The following ERGIC2 variants were observed in gnomAD, a reference collection of about 807,000 sequenced individuals.
The protein encoded by ERGIC2 is endoplasmic reticulum-Golgi intermediate compartment protein 2.
ERGIC2 carries 31 observed loss-of-function variants against 52.5 expected under a neutral mutation model. The observed-to-expected ratio is 0.59, with a 90% CI of 0.44 to 0.80. The LOEUF (loss-of-function observed/expected upper bound fraction) is 0.80, where lower values mean the gene tolerates loss of function less well. ERGIC2 is among the 30% of genes least tolerant of loss of function. The probability of loss-of-function intolerance (pLI) is 0.00; values close to 1 mark genes in which losing one functional copy is unlikely to be tolerated. For missense variants in ERGIC2, 395 were observed against 455.2 expected, an observed-to-expected ratio of 0.87 and a Z score of 1.20; for synonymous variants, 129 against 140.6, an observed-to-expected ratio of 0.92 and a Z score of 0.58.
At chr12:29,373,557 G>C (rs768793446) in intron 1 of ERGIC2, among the ~76,000 whole-genome samples, 9 of 152,190 alleles carry the variant, frequency 5.9e-5, no homozygotes, top group Non-Finnish European at 5.9e-5. Flanking sequence ...AAAACTGGCA[G>C]TAAACATGAA....
At position 29,370,105 on chromosome 12, in the gene ERGIC2, AATG is replaced by A; in HGVS notation, c.215+6_215+8del. On this transcript the variant is annotated splice_donor_region_variant and intron_variant, in intron 3 of 13. Coordinates refer to ENST00000360150, the MANE Select transcript of ERGIC2 (RefSeq NM_016570.3). Reference sequence around the variant, plus strand: ...CTAAAGGTATTCCAAGAAGAAAAAAAATGATTACCTAGAAAAATCCTTGTCTAC... The same window carrying A: ...CTAAAGGTATTCCAAGAAGAAAAAAAATTACCTAGAAAAATCCTTGTCTAC... 6.7e-7 allele frequency: 1 copy of A among 1,495,352 alleles called. No homozygotes were observed. Among genetic ancestry groups the A allele is most frequent in the Non-Finnish European group, 8.8e-7 (1 of 1,133,114 alleles). The allele number at this position is 1,495,352 out of a possible 1,614,324, so 92.6% of individuals were successfully genotyped here. A position where few individuals can be genotyped will look rare whatever the true frequency, so the allele number is the denominator to read the frequency against.
At chr12:29,349,213 AATT>A in intron 9 of ERGIC2, 36 bp from the exon 10 acceptor site, 1 of 1,026,276 alleles carries the variant, frequency 9.7e-7, no homozygotes, top group Non-Finnish European at 1.5e-6. Flanking sequence ...TTAGCAGAGA[AATT>A]ATATTATTCA....
At chr12:29,349,828 T>G (rs1009292895) in intron 9 of ERGIC2, among the ~76,000 whole-genome samples, 185 bp downstream of exon 9, 2 of 152,014 alleles carry the variant, frequency 1.3e-5, no homozygotes, top group African/African-American at 4.8e-5. Flanking sequence ...CTCCCTAACC[T>G]CAGCAACTCA....
Position 29,361,673 on chromosome 12 carries a change from G to A in ERGIC2, c.346C>T (p.Leu116Phe). 5 of 1,603,510 alleles carry A rather than the reference G, an allele frequency of 3.1e-6. No homozygotes were observed. The highest frequency in any genetic ancestry group is 4.3e-6 in the Non-Finnish European group (5 of 1,174,752). The change falls in exon 6 of 14, where the codon CTT becomes TTT. Residue 116 changes from leucine (L) to phenylalanine (F), a missense_variant. Physicochemically the swap from Leu to Phe is conservative, Grantham distance 22. Coordinates refer to ENST00000360150, the MANE Select transcript of ERGIC2 (RefSeq NM_016570.3). ...TGCCACTCTTTCTGCTGTGGTGAAAGATCAAATACTGTCTGAAATGAAAGA... is the reference window on the plus strand; with the variant it reads ...TGCCACTCTTTCTGCTGTGGTGAAAAATCAAATACTGTCTGAAATGAAAGA... ...GLVYEPTVFD[L>F]SPQQKEWQRM...
chr12:29,380,984 G>C (rs562162622), intron 1 of ERGIC2, 131 bp downstream of exon 1: 1 of 152,436 alleles, frequency 6.6e-6, no homozygotes, highest in East Asian at 1.9e-4. Context: ...CGTCCGACCG[G>C]CTCTCTAGAG....
chr12:29,356,580 A>G, intron 7 of ERGIC2, 103 bp from the exon 8 acceptor site: 1 of 587,730 alleles, frequency 1.7e-6, no homozygotes, highest in South Asian at 2.4e-5. Flanking sequence ...ATCATTTTTT[A>G]GGTAATATTC....
intron 2 of ERGIC2, among the ~76,000 whole-genome samples, chr12:29,370,913 A>G (rs998406158): frequency 2.6e-5 from 4 of 152,158 alleles, no homozygotes; most frequent in Admixed American, 1.3e-4. Context: ...AACTTGCACT[A>G]TTTTCATTAA....
chr12:29,347,181 C>A (rs1206169614), intron 10 of ERGIC2, among the ~76,000 whole-genome samples: 1 of 152,206 alleles, frequency 6.6e-6, no homozygotes, highest in African/African-American at 2.4e-5. Flanking sequence ...AAAAAGTAAT[C>A]ATGTGTGGCT....
chr12:29,359,482 A>G (rs1050665788), intron 6 of ERGIC2, among the ~76,000 whole-genome samples: 4 of 152,130 alleles, frequency 2.6e-5, no homozygotes, highest in Admixed American at 2.6e-4. Context: ...TATGCAGAAA[A>G]CTACTATGAT....
At position 29,340,808 on chromosome 12, in the gene ERGIC2, A is replaced by G. The variant is rs1487252403; in HGVS notation, c.*348T>C. 5 of 434,550 alleles carry G rather than the reference A, an allele frequency of 1.2e-5. No homozygotes were observed. The highest frequency in any genetic ancestry group is 6.9e-5 in the South Asian group (4 of 57,796). 26.9% of individuals were successfully genotyped at this position (434,550 alleles called of 1,614,324 possible). A position where few individuals can be genotyped will look rare whatever the true frequency, so the allele number is the denominator to read the frequency against. ...CTCAATGTTTTTTTTTTTCCCATAGATGTAGTTTCACTTATTTCCTTCAGG... is the reference window on the plus strand; with the variant it reads ...CTCAATGTTTTTTTTTTTCCCATAGGTGTAGTTTCACTTATTTCCTTCAGG... On this transcript the variant is annotated 3_prime_UTR_variant, in exon 14 of 14. Transcript: ENST00000360150.
chr12:29,358,314 A>T (rs1427794593), intron 6 of ERGIC2, among the ~76,000 whole-genome samples: 1 of 152,176 alleles, frequency 6.6e-6, no homozygotes, highest in Non-Finnish European at 1.5e-5. Flanking sequence ...ATTTCTTCAA[A>T]TAACTAATAT....
chr12:29,365,800 G>A (rs914992751), intron 5 of ERGIC2, among the ~76,000 whole-genome samples: 1 of 151,878 alleles, frequency 6.6e-6, no homozygotes, highest in Non-Finnish European at 1.5e-5. Context: ...GTAATATGCT[G>A]TCATATATGA....
intron 8 of ERGIC2, among the ~76,000 whole-genome samples, chr12:29,351,767 T>C (rs886270216): frequency 2.6e-5 from 4 of 152,198 alleles, no homozygotes; most frequent in Non-Finnish European, 4.4e-5. Flanking sequence ...TGCTAAACAA[T>C]GAGGCACTTA....
chr12:29,356,853 G>A (rs2136863748), intron 7 of ERGIC2, among the ~76,000 whole-genome samples: 1 of 152,212 alleles, frequency 6.6e-6, no homozygotes, highest in Admixed American at 6.5e-5. Flanking sequence ...TGAGGTAAAG[G>A]AAAGGCATGC....
At chr12:29,365,219 T>A (rs80184797) in intron 5 of ERGIC2, among the ~76,000 whole-genome samples, 10,706 of 152,172 alleles carry the variant, frequency 0.07, 486 homozygotes, top group Middle Eastern at 0.16. Context: ...TACTCATCAG[T>A]GGTACATGGG....
intron 5 of ERGIC2, among the ~76,000 whole-genome samples, chr12:29,364,982 G>A (rs1045508087): frequency 2.0e-5 from 3 of 151,900 alleles, no homozygotes; most frequent in Admixed American, 6.6e-5. Context: ...AGAGGCTGTG[G>A]AGAAAAGGGA....
chr12:29,370,060 C>CTT, intron 3 of ERGIC2, 54 bp downstream of exon 3: 1 of 1,412,226 alleles, frequency 7.1e-7, no homozygotes, highest in South Asian at 1.6e-5. Context: ...AAGGTATGCT[C>CTT]TTTTTAAAAC....
At chr12:29,367,016 A>G (rs1940373449) in intron 4 of ERGIC2, 69 bp from the exon 5 acceptor site, 4 of 873,176 alleles carry the variant, frequency 4.6e-6, no homozygotes, top group Non-Finnish European at 6.8e-6. Context: ...AATATAAACA[A>G]ATTAAGCCAA....
intron 8 of ERGIC2, among the ~76,000 whole-genome samples, chr12:29,355,171 C>G (rs1016599603): frequency 2.0e-5 from 3 of 152,100 alleles, no homozygotes; most frequent in Admixed American, 2.0e-4. Flanking sequence ...AAAGTCTCCA[C>G]TGACTTGCAG....
Sources: gnomAD v4.1 joint callset for allele counts (sites outside exome capture counted in the v4.1 genomes callset) on GRCh38, gnomAD v4.1.1 for gene constraint, MANE v1.5 for transcripts, NCBI Gene and HGNC (gene_info 2026-07-23, HGNC 2026-07-21) for gene names.